Variants in PEBP4 observed in about 807,000 individuals in gnomAD.
PEBP4 encodes phosphatidylethanolamine binding protein 4, also known as phosphatidylethanolamine-binding protein 4.
A neutral mutation model predicts 23.9 loss-of-function variants in PEBP4; 22 were observed. The observed-to-expected ratio is 0.92, with a 90% CI of 0.66 to 1.31. The LOEUF is 1.31. Ranked by LOEUF, PEBP4 falls within the 40% of genes most tolerant of loss-of-function variation. PEBP4 has a pLI of 0.00. For missense variants in PEBP4, 324 were observed against 281.7 expected (o/e 1.15, Z -1.07); for synonymous variants, 112 against 99.3 (o/e 1.13, Z -0.76).
chr8:22,778,855 C>T, intron 4 of PEBP4, among the ~76,000 whole-genome samples: 1 of 152,186 alleles, frequency 6.6e-6, no homozygotes, highest in Non-Finnish European at 1.5e-5. Flanking sequence ...GTAAAGTCTT[C>T]AGCCAGTTTT....
Position 22,738,136 on chromosome 8 carries a change from G to A in PEBP4, c.358-10916C>T, listed in dbSNP as rs142496755. 6.4e-3 allele frequency among the ~76,000 whole-genome samples: 974 copies of A among 152,340 alleles called. 8 individuals are homozygous for A. Among genetic ancestry groups the A allele is most frequent in the Non-Finnish European group, 7.8e-3 (533 of 68,036 alleles). ...CTGGGCCTATACTCAGCCAGGGTGCGCAGAGCGAGTGGCACATCATGTTTA... is the reference window on the plus strand; with the variant it reads ...CTGGGCCTATACTCAGCCAGGGTGCACAGAGCGAGTGGCACATCATGTTTA... On this transcript the variant is annotated intron_variant, in intron 4 of 6. Transcript: ENST00000256404.
intron 4 of PEBP4, among the ~76,000 whole-genome samples, chr8:22,760,846 G>T (rs549335849): frequency 4.6e-5 from 7 of 152,272 alleles, no homozygotes; most frequent in African/African-American, 1.7e-4. Context: ...TCTGGCAAAG[G>T]TTCCCCTGAA....
intron 1 of PEBP4, among the ~76,000 whole-genome samples, chr8:22,936,650 G>C (rs894493067): frequency 1.3e-5 from 2 of 152,066 alleles, no homozygotes; most frequent in East Asian, 1.9e-4. Context: ...ACCAAAGTTA[G>C]AAAAGAAAAC....
intron 4 of PEBP4, among the ~76,000 whole-genome samples, chr8:22,756,171 C>T (rs1216265531): frequency 6.6e-6 from 1 of 152,200 alleles, no homozygotes; most frequent in Admixed American, 6.5e-5. Flanking sequence ...GCGAGGCTAG[C>T]GTGGGATGGT....
intron 3 of PEBP4, among the ~76,000 whole-genome samples, chr8:22,892,191 C>T (rs1220195128): frequency 6.6e-6 from 1 of 152,180 alleles, no homozygotes; most frequent in East Asian, 1.9e-4. Context: ...GCTAAAATAT[C>T]TGAATAGTTT....
intron 3 of PEBP4, among the ~76,000 whole-genome samples, chr8:22,910,901 A>C (rs2128778810): frequency 6.6e-6 from 1 of 152,212 alleles, no homozygotes; most frequent in East Asian, 1.9e-4. Flanking sequence ...AAACCCACAG[A>C]ATGTGTGACA....
rs1809170202 is a variant in PEBP4 at position 22,920,199 on chromosome 8, G to A, written c.243C>T (p.Phe81=). 3 of 1,612,478 alleles carry A rather than the reference G, an allele frequency of 1.9e-6. No individual in the cohort carries two copies. Among genetic ancestry groups the A allele is most frequent in the African/African-American group, 1.3e-5 (1 of 74,972 alleles). ...ITSWMEPIVK[F]PGAVDGATYI... is the part of the protein sequence containing the mutation. Reference sequence around the variant, plus strand: ...GCTCACTCACGTCCACGGCCCCCGGGAACTTGACTATCGGCTCCATCCAGG... The same window carrying A: ...GCTCACTCACGTCCACGGCCCCCGGAAACTTGACTATCGGCTCCATCCAGG... The change falls in exon 3 of 7, where the codon TTC becomes TTT. Residue 81 remains phenylalanine, a synonymous_variant. Coordinates refer to ENST00000256404, the MANE Select transcript of PEBP4 (RefSeq NM_144962.3).
intron 3 of PEBP4, among the ~76,000 whole-genome samples, chr8:22,879,982 CA>C (rs1277543838): frequency 1.3e-5 from 2 of 152,202 alleles, no homozygotes; most frequent in African/African-American, 4.8e-5. Context: ...GTTGTCTCCG[CA>C]GATGAAAATA....
chr8:22,904,492 T>G (rs931148434), intron 3 of PEBP4, among the ~76,000 whole-genome samples: 5 of 152,210 alleles, frequency 3.3e-5, no homozygotes, highest in Admixed American at 1.3e-4. Flanking sequence ...AGCCTTTTCC[T>G]CTTAGCGTTC....
chr8:22,713,839 T>A (rs1804358454), intron 6 of PEBP4, among the ~76,000 whole-genome samples: 1 of 148,656 alleles, frequency 6.7e-6, no homozygotes, highest in Non-Finnish European at 1.5e-5. Context: ...CAAAACTGCC[T>A]TCTCGCTCCC....
intron 4 of PEBP4, among the ~76,000 whole-genome samples, chr8:22,762,638 A>G: frequency 6.6e-6 from 1 of 152,182 alleles, no homozygotes; most frequent in Non-Finnish European, 1.5e-5. Flanking sequence ...GTTGCAGAGA[A>G]AAGAGACTGC....
At chr8:22,907,110 A>G (rs1174532389) in intron 3 of PEBP4, among the ~76,000 whole-genome samples, 2 of 152,150 alleles carry the variant, frequency 1.3e-5, no homozygotes, top group African/African-American at 2.4e-5. Context: ...GGAGGGATGC[A>G]GGCAGATACC....
intron 3 of PEBP4, among the ~76,000 whole-genome samples, chr8:22,838,425 G>A (rs981454764): frequency 6.6e-6 from 1 of 152,148 alleles, no homozygotes; most frequent in Non-Finnish European, 1.5e-5. Context: ...TGCTGGCCCT[G>A]ACACTGTATT....
chr8:22,915,718 T>G (rs1243498424), intron 3 of PEBP4, among the ~76,000 whole-genome samples: 1 of 152,200 alleles, frequency 6.6e-6, no homozygotes, highest in African/African-American at 2.4e-5. Flanking sequence ...AGACTCCACA[T>G]GTAGTCTACT....
intron 3 of PEBP4, chr8:22,886,353 C>T (rs1055814406): frequency 5.9e-5 from 9 of 152,158 alleles, no homozygotes; most frequent in Admixed American, 3.3e-4. Flanking sequence ...TCTGACCAGG[C>T]GTGTAATACA....
At chr8:22,723,504 G>A (rs1264628316) in intron 6 of PEBP4, among the ~76,000 whole-genome samples, 2 of 152,034 alleles carry the variant, frequency 1.3e-5, no homozygotes, top group Non-Finnish European at 2.9e-5. Context: ...GTCTCATGGT[G>A]GGGCTCAGAG....
intron 3 of PEBP4, among the ~76,000 whole-genome samples, chr8:22,896,533 T>C (rs1416507346): frequency 6.6e-6 from 1 of 152,192 alleles, no homozygotes; most frequent in Non-Finnish European, 1.5e-5. Flanking sequence ...CATTTTGTGT[T>C]TCTGATTCAG....
At chr8:22,728,889 C>T (rs902289011) in intron 4 of PEBP4, among the ~76,000 whole-genome samples, 4 of 152,176 alleles carry the variant, frequency 2.6e-5, no homozygotes, top group Admixed American at 1.3e-4. Flanking sequence ...TGAGCCACTG[C>T]GCCCAGCTGA....
At chr8:22,814,744 G>T (rs1289981077) in intron 4 of PEBP4, among the ~76,000 whole-genome samples, 1 of 152,198 alleles carries the variant, frequency 6.6e-6, no homozygotes, top group Non-Finnish European at 1.5e-5. Flanking sequence ...CTTGGGTAAT[G>T]ATGGTATTTA....
Sources: allele counts gnomAD v4.1 joint callset (sites outside exome capture counted in the v4.1 genomes callset), GRCh38; gene constraint gnomAD v4.1.1; transcripts MANE v1.5; gene names NCBI Gene and HGNC (gene_info 2026-07-23, HGNC 2026-07-21).